STARD3NL: variants seen among roughly 807,000 people sequenced by gnomAD.
STARD3NL encodes STARD3 N-terminal like.
A neutral mutation model predicts 30.9 loss-of-function variants in STARD3NL; 17 were observed. That is an observed-to-expected ratio of 0.55 (90% CI 0.38 to 0.82). The LOEUF is 0.82. Ranked by LOEUF, STARD3NL falls within the 40% of genes least tolerant of loss-of-function variation. The pLI is 0.00. For missense variants in STARD3NL, 234 were observed against 277.6 expected (o/e 0.84, Z 1.12); for synonymous variants, 112 against 100.5 (o/e 1.11, Z -0.69).
In STARD3NL at chr7:38,206,149, A is replaced by G. The variant is rs1243590091; in HGVS notation, c.-58-1298A>G. On this transcript the variant is annotated intron_variant, in intron 1 of 8. Coordinates refer to ENST00000009041, the MANE Select transcript of STARD3NL (RefSeq NM_032016.4). ...GTGAATAATAGGACCAAATGGGATC[A>G]TATTGCTTTAGGGAAATCTCAGCTG... Among the ~76,000 whole-genome samples, 3 of 152,336 alleles carry G rather than the reference A, an allele frequency of 2.0e-5. No homozygotes were observed. In the East Asian group the frequency reaches 5.8e-4, roughly 29 times the overall value.
At chr7:38,222,184 C>CAG (rs1200346264) in intron 7 of STARD3NL, among the ~76,000 whole-genome samples, 1 of 143,488 alleles carries the variant, frequency 7.0e-6, no homozygotes, top group East Asian at 2.0e-4. Context: ...CACACACACA[C>CAG]AGAGTGGTAA....
chr7:38,195,719 T>C (rs927090475), intron 1 of STARD3NL, among the ~76,000 whole-genome samples: 5 of 152,184 alleles, frequency 3.3e-5, no homozygotes, highest in Admixed American at 2.0e-4. Context: ...TTTCTATAAT[T>C]CTTTTTTTGG....
intron 2 of STARD3NL, among the ~76,000 whole-genome samples, chr7:38,211,951 CCTTTTCCACTGTTTCCCTT>C (rs898834711): frequency 3.9e-4 from 59 of 152,238 alleles, no homozygotes; most frequent in African/African-American, 1.3e-3. Flanking sequence ...CACTGTTTCT[CCTTTTCCACTGTTTCCCTT>C]CTTTTCCACT....
chr7:38,225,704 A>G (rs1276704181), intron 7 of STARD3NL, among the ~76,000 whole-genome samples: 2 of 152,108 alleles, frequency 1.3e-5, no homozygotes, highest in African/African-American at 2.4e-5. Context: ...GTGAATACTT[A>G]TATGATTGAT....
intron 7 of STARD3NL, among the ~76,000 whole-genome samples, chr7:38,224,864 T>A (rs1163363008): frequency 3.9e-5 from 6 of 152,198 alleles, no homozygotes; most frequent in African/African-American, 1.4e-4. Flanking sequence ...CTTTATCATG[T>A]TCGTCTTATG....
At position 38,198,720 on chromosome 7, in the gene STARD3NL, C is replaced by G. The variant is rs1262723356; in HGVS notation, c.-58-8727C>G. Among the ~76,000 whole-genome samples the G allele has an allele frequency of 5.9e-5, 9 of 152,276 alleles. No homozygotes were observed. The South Asian group carries it at 1.7e-3, about 28-fold the overall frequency. On this transcript the variant is annotated intron_variant, in intron 1 of 8. Coordinates refer to ENST00000009041, the MANE Select transcript of STARD3NL (RefSeq NM_032016.4). ...AGGAGGTGCACAGTCTCTCTCTTCT[C>G]CTCCTAGGAAGGCTGAGAGATTGTG...
intron 1 of STARD3NL, among the ~76,000 whole-genome samples, chr7:38,184,456 G>A (rs756415736): frequency 6.6e-5 from 10 of 151,622 alleles, no homozygotes; most frequent in Non-Finnish European, 1.2e-4. Flanking sequence ...TTACAGTCAT[G>A]GCAGAAAAAA....
In STARD3NL at chr7:38,228,850, T is replaced by G; in HGVS notation, c.701T>G (p.Leu234Arg). ...KQDSEKPLLE[L>R] ...GACAGTGAGAAACCACTTTTAGAAC[T>G]ATGAGTACTACTTTTGTTAAAGTAA... The change falls in exon 8 of 9, where the codon CTA becomes CGA. Residue 234 changes from leucine to arginine, a missense_variant. Physicochemically the swap from Leu to Arg is moderately radical, Grantham distance 102 (BLOSUM62 -2). Transcript: ENST00000009041. 6.2e-7 allele frequency: 1 copy of G among 1,611,952 alleles called. No individual in the cohort carries two copies. The highest frequency in any genetic ancestry group is 8.5e-7 in the Non-Finnish European group (1 of 1,178,682).
chr7:38,199,620 C>T (rs1410242877), intron 1 of STARD3NL, among the ~76,000 whole-genome samples: 1 of 152,100 alleles, frequency 6.6e-6, no homozygotes, highest in South Asian at 2.1e-4. Flanking sequence ...ATCTGACTGC[C>T]TGGAGGTTGG....
intron 7 of STARD3NL, among the ~76,000 whole-genome samples, chr7:38,225,376 A>G (rs1184851180): frequency 6.6e-6 from 1 of 152,132 alleles, no homozygotes; most frequent in African/African-American, 2.4e-5. Context: ...TCTCTTATGG[A>G]TAATATATTT....
intron 3 of STARD3NL, 112 bp downstream of exon 3, chr7:38,214,546 C>CAT: frequency 1.7e-6 from 1 of 577,214 alleles, no homozygotes; most frequent in South Asian, 2.5e-5. Flanking sequence ...GAACACTGAC[C>CAT]ATATTTTCCT....
At chr7:38,199,491 C>T (rs1785076257) in intron 1 of STARD3NL, among the ~76,000 whole-genome samples, 1 of 152,138 alleles carries the variant, frequency 6.6e-6, no homozygotes, top group African/African-American at 2.4e-5. Flanking sequence ...AAATTCAGAG[C>T]CTTTAAGGAA....
At chr7:38,188,163 C>T (rs1784540205) in intron 1 of STARD3NL, among the ~76,000 whole-genome samples, 1 of 152,200 alleles carries the variant, frequency 6.6e-6, no homozygotes, top group Admixed American at 6.5e-5. Context: ...CTTCCCATCT[C>T]ATTCAGAGTA....
At chr7:38,202,881 T>G (rs1785255250) in intron 1 of STARD3NL, among the ~76,000 whole-genome samples, 1 of 151,894 alleles carries the variant, frequency 6.6e-6, no homozygotes, top group African/African-American at 2.4e-5. Flanking sequence ...GCTTCATCCA[T>G]GTCCCTACAA....
chr7:38,202,965 G>C (rs1240603739), intron 1 of STARD3NL, among the ~76,000 whole-genome samples: 1 of 151,924 alleles, frequency 6.6e-6, no homozygotes, highest in African/African-American at 2.4e-5. Flanking sequence ...TCTTAATCCA[G>C]TCTATCATTG....
intron 1 of STARD3NL, among the ~76,000 whole-genome samples, chr7:38,199,716 A>G (rs964493070): frequency 6.6e-6 from 1 of 152,244 alleles, no homozygotes; most frequent in Non-Finnish European, 1.5e-5. Context: ...GATGAAATCC[A>G]ATAACCAGAC....
intron 4 of STARD3NL, 85 bp from the exon 5 acceptor site, chr7:38,216,940 C>A: frequency 1.3e-6 from 2 of 1,528,892 alleles, no homozygotes; most frequent in African/African-American, 1.4e-5. Context: ...CTGCTCCTGG[C>A]TCAGACGGGT....
At chr7:38,193,992 G>A (rs926029662) in intron 1 of STARD3NL, among the ~76,000 whole-genome samples, 2 of 151,944 alleles carry the variant, frequency 1.3e-5, no homozygotes, top group African/African-American at 2.4e-5. Context: ...GTAGGATTTT[G>A]TCTTTTATTT....
intron 2 of STARD3NL, among the ~76,000 whole-genome samples, chr7:38,209,144 C>T (rs1251778496): frequency 6.6e-6 from 1 of 152,124 alleles, no homozygotes; most frequent in African/African-American, 2.4e-5. Context: ...AGTGATATGA[C>T]ATAGTAATTT....
Sources: gnomAD v4.1 joint callset for allele counts (sites outside exome capture counted in the v4.1 genomes callset) on GRCh38, gnomAD v4.1.1 for gene constraint, MANE v1.5 for transcripts, NCBI Gene and HGNC (gene_info 2026-07-23, HGNC 2026-07-21) for gene names.